OR5B2: variants seen among roughly 807,000 people sequenced by gnomAD.
OR5B2 encodes olfactory receptor 5B2.
For synonymous variants in OR5B2, 163 were observed against 140.8 expected (o/e 1.16, Z -1.11); for missense variants, 411 against 367.0 (o/e 1.12, Z -0.98).
rs768453692 is a variant in OR5B2 at position 58,423,302 on chromosome 11, G to C, written c.-28-13C>G. On this transcript the variant is annotated splice_polypyrimidine_tract_variant and intron_variant, in intron 2 of 2. Transcript: ENST00000641342. ...AACTTAAGATGACCTGTAGCAATGA[G>C]AAATAAAGCAATAGAGTGATAAACA... 2 of 1,247,314 alleles carry C rather than the reference G, an allele frequency of 1.6e-6. No homozygotes were observed. The highest frequency in any genetic ancestry group is 2.3e-5 in the East Asian group (1 of 42,576). 77.3% of individuals were successfully genotyped at this position (1,247,314 alleles called of 1,614,324 possible). A position where few individuals can be genotyped will look rare whatever the true frequency, so the allele number is the denominator to read the frequency against.
rs1855269037 is a variant in OR5B2 at position 58,421,279 on chromosome 11, G to A, written c.*1053C>T. On this transcript the variant is annotated 3_prime_UTR_variant, in exon 3 of 3. Coordinates refer to ENST00000641342, the MANE Select transcript of OR5B2 (RefSeq NM_001005566.3). ...ATTCATAACTGCCAACACTAGGGAA[G>A]CAACCAAAATATCCTTCAGTAGGTA... is the stretch of plus-strand genomic sequence containing the variant. 6.6e-6 allele frequency: 1 copy of A among 152,038 alleles called. No homozygotes were observed. The highest frequency in any genetic ancestry group is 1.5e-5 in the Non-Finnish European group (1 of 67,960). 9.4% of individuals were successfully genotyped at this position (152,038 alleles called of 1,614,324 possible).
rs535794365 is a variant in OR5B2, at chr11:58,428,073, G to A, written c.-138C>T. ...GAATGGAGAGGCAAGAATAGCATGG[G>A]CTTCAGCTGTGGACAATGGAATTGG... On this transcript the variant is annotated 5_prime_UTR_variant, in exon 1 of 3. Transcript: ENST00000641342. 3.9e-4 allele frequency: 59 copies of A among 152,460 alleles called. No individual in the cohort carries two copies. The highest frequency in any genetic ancestry group is 1.4e-3 in the African/African-American group (57 of 41,578). The allele number at this position is 152,460 out of a possible 1,614,324, so 9.4% of individuals were successfully genotyped here.
At chr11:58,426,336 A>G (rs1855338061) in intron 2 of OR5B2, among the ~76,000 whole-genome samples, 1 of 151,746 alleles carries the variant, frequency 6.6e-6, no homozygotes, top group South Asian at 2.1e-4. Flanking sequence ...CCTATCCTCC[A>G]CCCTTCGATA....
rs1325786265 is a variant in OR5B2 at position 58,422,790 on chromosome 11, T to C, written c.472A>G (p.Ile158Val). The change falls in exon 3 of 3, where the codon ATT (isoleucine) becomes GTT (valine). Residue 158 changes from isoleucine (I) to valine (V), a missense_variant. Coordinates refer to ENST00000641342, the MANE Select transcript of OR5B2 (RefSeq NM_001005566.3). The stretch of plus-strand genomic sequence containing the variant: ...AAAGAGAGACTGAATATGCCCCCAA[T>C]GTGGAATGAGGCATTTAGGAAGCCA... ...VCGFLNASFH[I>V]GGIFSLSFCK... 1 of 1,613,516 alleles carries C rather than the reference T, an allele frequency of 6.2e-7. No individual in the cohort carries two copies. The highest frequency in any genetic ancestry group is 2.2e-5 in the East Asian group (1 of 44,854).
chr11:58,423,114 C>T lies in OR5B2; in HGVS notation c.148G>A (p.Asp50Asn), dbSNP rs1442425694. 1 of 1,613,674 alleles carries T rather than the reference C, an allele frequency of 6.2e-7. No homozygotes were observed. The highest frequency in any genetic ancestry group is 1.7e-5 in the Admixed American group (1 of 59,934). Residue 50 changes from aspartate (D) to asparagine (N), a missense_variant, in exon 3 of 3, where the codon GAC becomes AAC. Physicochemically the swap from Asp to Asn is conservative, Grantham distance 23. Coordinates refer to ENST00000641342, the MANE Select transcript of OR5B2 (RefSeq NM_001005566.3). The stretch of plus-strand genomic sequence containing the variant: ...TACATGGGGGTGTGGAGACAAGAGT[C>T]CATCAGGATCAGCAACATCATCCCC... ...NLGMMLLILMDSCLHTPMYFF... is the reference protein window; with the variant it reads ...NLGMMLLILMNSCLHTPMYFF...
chr11:58,422,415 G>T lies in OR5B2; in HGVS notation c.847C>A (p.Leu283Met). ...SVFYAMIIPM[L>M]NPVVYSLRNR... ...CTCAGGCTGTAGACCACAGGGTTCAGCATGGGGATGATCATAGCATAGAAC... is the reference window on the plus strand; with the variant it reads ...CTCAGGCTGTAGACCACAGGGTTCATCATGGGGATGATCATAGCATAGAAC... Residue 283 changes from leucine (L) to methionine (M), a missense_variant, in exon 3 of 3, where the codon CTG becomes ATG. By Grantham distance (15) the Leu-to-Met change is conservative. Transcript: ENST00000641342. 1 of 1,613,658 alleles carries T rather than the reference G, an allele frequency of 6.2e-7. No homozygotes were observed. The highest frequency in any genetic ancestry group is 1.1e-5 in the South Asian group (1 of 91,078).
At position 58,426,660 on chromosome 11, in the gene OR5B2, T is replaced by A. The variant is rs1359637451; in HGVS notation, c.-67A>T. On this transcript the variant is annotated 5_prime_UTR_variant, in exon 2 of 3. Transcript: ENST00000641342. ...GAAGATGACACACTTTCAGTTGGTA[T>A]CTTCAAATTGCAAGTCCTACTCAAA... 1 of 152,124 alleles carries A rather than the reference T, an allele frequency of 6.6e-6. No individual in the cohort carries two copies. Among genetic ancestry groups the A allele is most frequent in the East Asian group, 1.9e-4 (1 of 5,186 alleles). 9.4% of individuals were successfully genotyped at this position (152,124 alleles called of 1,614,324 possible).
Position 58,423,131 on chromosome 11 carries a change from A to T in OR5B2, c.131T>A (p.Met44Lys), listed in dbSNP as rs1382531783. The T allele has an allele frequency of 2.5e-6, 4 of 1,613,622 alleles. No individual in the cohort carries two copies. Among genetic ancestry groups the T allele is most frequent in the Non-Finnish European group, 3.4e-6 (4 of 1,179,788 alleles). The change falls in exon 3 of 3, where the codon ATG becomes AAG. Residue 44 changes from methionine (M) to lysine (K), a missense_variant. Physicochemically the swap from Met to Lys is moderately conservative, Grantham distance 95. Transcript: ENST00000641342. ...ACAAGAGTCCATCAGGATCAGCAAC[A>T]TCATCCCCAGGTTCCCACACAGAGT... is the stretch of plus-strand genomic sequence containing the variant. Reference protein sequence around the residue: ...LLTLCGNLGMMLLILMDSCLH... With the variant: ...LLTLCGNLGMKLLILMDSCLH...
Position 58,422,266 on chromosome 11 carries a change from C to G in OR5B2, c.*66G>C, listed in dbSNP as rs978604740. 1 of 950,750 alleles carries G rather than the reference C, an allele frequency of 1.1e-6. No individual in the cohort carries two copies. The highest frequency in any genetic ancestry group is 1.6e-5 in the African/African-American group (1 of 61,504). 58.9% of individuals were successfully genotyped at this position (950,750 alleles called of 1,614,324 possible). On this transcript the variant is annotated 3_prime_UTR_variant, in exon 3 of 3. Coordinates refer to ENST00000641342, the MANE Select transcript of OR5B2 (RefSeq NM_001005566.3). Reference sequence around the variant, plus strand: ...GTGGGGTTTCAAATGTAACTCATTGCATGAGGAAAGTCTGAGATGAGGGAA... The same window carrying G: ...GTGGGGTTTCAAATGTAACTCATTGGATGAGGAAAGTCTGAGATGAGGGAA...
Position 58,423,182 on chromosome 11 carries a change from A to T in OR5B2, c.80T>A (p.Ile27Asn), listed in dbSNP as rs768102162. The T allele has an allele frequency of 5.6e-6, 9 of 1,613,656 alleles. No individual in the cohort carries two copies. Among genetic ancestry groups the T allele is most frequent in the African/African-American group, 1.3e-5 (1 of 75,006 alleles). The change falls in exon 3 of 3, where the codon ATC (isoleucine) becomes AAC (asparagine). Residue 27 changes from isoleucine (I) to asparagine (N), a missense_variant. Physicochemically the swap from Ile to Asn is moderately radical, Grantham distance 149. Transcript: ENST00000641342. ...SVPELQIPLFILFTFIYLLTL... is the reference protein window; with the variant it reads ...SVPELQIPLFNLFTFIYLLTL... ...GAGGAGGTAGATGAAGGTGAACAAG[A>T]TAAAGAGGGGGATCTGTAGTTCTGG... is the stretch of plus-strand genomic sequence containing the variant.
rs930851908 is a variant in OR5B2 at position 58,422,154 on chromosome 11, G to T, written c.*178C>A. 3.5e-5 allele frequency: 17 copies of T among 484,578 alleles called. No individual in the cohort carries two copies. The Admixed American group carries it at 5.7e-4, about 16-fold the overall frequency. 30.0% of individuals were successfully genotyped at this position (484,578 alleles called of 1,614,324 possible). A position where few individuals can be genotyped will look rare whatever the true frequency, so the allele number is the denominator to read the frequency against. ...TTTCCATTTAGCCTTCCTCATTCAG[G>T]TATTACATTTCTGATAATATTTTAT... On this transcript the variant is annotated 3_prime_UTR_variant, in exon 3 of 3. Coordinates refer to ENST00000641342, the MANE Select transcript of OR5B2 (RefSeq NM_001005566.3).
chr11:58,421,685 A>G lies in OR5B2; in HGVS notation c.*647T>C, dbSNP rs1455170080. On this transcript the variant is annotated 3_prime_UTR_variant, in exon 3 of 3. Coordinates refer to ENST00000641342, the MANE Select transcript of OR5B2 (RefSeq NM_001005566.3). ...TCCTAATGTAAATTATGGTCTTGAG[A>G]TGATAATGATGTGTCAATGTAGGTT... 6.6e-6 allele frequency: 1 copy of G among 152,118 alleles called. No individual in the cohort carries two copies. 9.4% of individuals were successfully genotyped at this position (152,118 alleles called of 1,614,324 possible).
Position 58,422,242 on chromosome 11 carries a change from T to C in OR5B2, c.*90A>G. 1.4e-6 allele frequency: 1 copy of C among 721,932 alleles called. No homozygotes were observed. The highest frequency in any genetic ancestry group is 2.4e-6 in the Non-Finnish European group (1 of 419,892). 44.7% of individuals were successfully genotyped at this position (721,932 alleles called of 1,614,324 possible). On this transcript the variant is annotated 3_prime_UTR_variant, in exon 3 of 3. Transcript: ENST00000641342. ...TCACCTCATGAACTTAAATGTATTG[T>C]GGGGTTTCAAATGTAACTCATTGCA...
rs1186354657 is a variant in OR5B2 at position 58,421,687 on chromosome 11, GATA to G, written c.*642_*644del. The G allele has an allele frequency of 6.6e-6, 1 of 152,072 alleles. No individual in the cohort carries two copies. The highest frequency in any genetic ancestry group is 1.5e-5 in the Non-Finnish European group (1 of 67,986). 9.4% of individuals were successfully genotyped at this position (152,072 alleles called of 1,614,324 possible). A position where few individuals can be genotyped will look rare whatever the true frequency, so the allele number is the denominator to read the frequency against. ...CTAATGTAAATTATGGTCTTGAGAT[GATA>G]ATGATGTGTCAATGTAGGTTCATCA... On this transcript the variant is annotated 3_prime_UTR_variant, in exon 3 of 3. Coordinates refer to ENST00000641342, the MANE Select transcript of OR5B2 (RefSeq NM_001005566.3).
intron 2 of OR5B2, among the ~76,000 whole-genome samples, chr11:58,423,668 A>G (rs556424018): frequency 2.0e-5 from 3 of 152,266 alleles, no homozygotes; most frequent in Admixed American, 1.3e-4. Flanking sequence ...ATTTGTATGT[A>G]TATTGATTCC....
chr11:58,427,841 G>A (rs1855355912), intron 1 of OR5B2, among the ~76,000 whole-genome samples, 178 bp downstream of exon 1: 2 of 152,086 alleles, frequency 1.3e-5, no homozygotes, highest in African/African-American at 4.8e-5. Context: ...GAACAGTCAA[G>A]GGACTGTGAG....
At position 58,422,520 on chromosome 11, in the gene OR5B2, C is replaced by T. The variant is rs140238243; in HGVS notation, c.742G>A (p.Val248Ile). Residue 248 changes from valine to isoleucine, a missense_variant, in exon 3 of 3, where the codon GTC (valine) becomes ATC (isoleucine). Coordinates refer to ENST00000641342, the MANE Select transcript of OR5B2 (RefSeq NM_001005566.3). ...TCASHFTAVS[V>I]FYGTVIFIYL... ...ATGAAGATTACTGTCCCATAGAAGA[C>T]GGAGACTGCAGTGAAGTGAGAGGCA... The T allele has an allele frequency of 1.9e-4, 305 of 1,613,644 alleles. No homozygotes were observed. Among genetic ancestry groups the T allele is most frequent in the East Asian group, 4.5e-4 (20 of 44,842 alleles).
In OR5B2 at chr11:58,422,956, AAAG is replaced by A. The variant is rs1244588054; in HGVS notation, c.303_305del (p.Phe102del). ...AATTTTCCACCGTGGCCAAGGCTAC[AAAG>A]AAGAACATCTGAACAGCACATGCAT... On this transcript the variant is annotated inframe_deletion, in exon 3 of 3. Transcript: ENST00000641342. 2.5e-6 allele frequency: 4 copies of A among 1,613,788 alleles called. No homozygotes were observed. Among genetic ancestry groups the A allele is most frequent in the Middle Eastern group, 1.6e-4 (1 of 6,080 alleles).
Position 58,422,072 on chromosome 11 carries a change from T to G in OR5B2, c.*260A>C, listed in dbSNP as rs2119931064. On this transcript the variant is annotated 3_prime_UTR_variant, in exon 3 of 3. Coordinates refer to ENST00000641342, the MANE Select transcript of OR5B2 (RefSeq NM_001005566.3). The stretch of plus-strand genomic sequence containing the variant: ...GTAGAAAAAATGCAAGGGGAACAAG[T>G]GAGTAAACCGAATGTCATTAGTAAG... 3.3e-6 allele frequency: 1 copy of G among 303,308 alleles called. No individual in the cohort carries two copies. Among genetic ancestry groups the G allele is most frequent in the Non-Finnish European group, 6.1e-6 (1 of 164,272 alleles). 18.8% of individuals were successfully genotyped at this position (303,308 alleles called of 1,614,324 possible).
Sources: allele counts gnomAD v4.1 joint callset (sites outside exome capture counted in the v4.1 genomes callset), GRCh38; gene constraint gnomAD v4.1.1; transcripts MANE v1.5; gene names NCBI Gene and HGNC (gene_info 2026-07-23, HGNC 2026-07-21).